SRGAP3: variants seen among roughly 807,000 people sequenced by gnomAD.
The protein encoded by SRGAP3 is SLIT-ROBO Rho GTPase-activating protein 3.
A neutral mutation model predicts 121.1 loss-of-function variants in SRGAP3; 39 were observed. The ratio of observed to expected loss-of-function variants is 0.32; its 90% confidence interval spans 0.25 to 0.42. The LOEUF (loss-of-function observed/expected upper bound fraction) is 0.42, where lower values mean the gene tolerates loss of function less well. SRGAP3 is among the 10% of genes least tolerant of loss of function. The probability of loss-of-function intolerance (pLI) is 1.00; values close to 1 mark genes in which losing one functional copy is unlikely to be tolerated. For missense variants in SRGAP3, 1,213 were observed against 1,470.6 expected (o/e 0.82, Z 2.86); for synonymous variants, 601 against 570.0 (o/e 1.05, Z -0.77).
chr3:9,139,120 A>G (rs1949764634), intron 1 of SRGAP3, among the ~76,000 whole-genome samples: 1 of 152,132 alleles, frequency 6.6e-6, no homozygotes. Flanking sequence ...TCATTTGCAA[A>G]TCCTTTCTGC....
intron 2 of SRGAP3, among the ~76,000 whole-genome samples, chr3:9,117,621 G>A (rs960487219): frequency 6.6e-6 from 1 of 152,082 alleles, no homozygotes; most frequent in African/African-American, 2.4e-5. Context: ...CCTCTGCATG[G>A]AGCATTTTCA....
At chr3:9,175,516 A>G (rs1951145896) in intron 1 of SRGAP3, among the ~76,000 whole-genome samples, 2 of 152,216 alleles carry the variant, frequency 1.3e-5, no homozygotes, top group African/African-American at 4.8e-5. Context: ...GGATGGTCCC[A>G]GAAGGACCCA....
intron 3 of SRGAP3, among the ~76,000 whole-genome samples, chr3:9,267,381 A>C (rs549145269): frequency 6.6e-6 from 1 of 152,348 alleles, no homozygotes; most frequent in East Asian, 1.9e-4. Context: ...TCAACTACAA[A>C]AGTGGCTCAA....
At chr3:9,307,433 G>A (rs560064713) in intron 3 of SRGAP3, among the ~76,000 whole-genome samples, 44 of 152,318 alleles carry the variant, frequency 2.9e-4, no homozygotes, top group Non-Finnish European at 5.4e-4. Context: ...CCTGGTAACC[G>A]TGGTTACACA....
chr3:9,148,007 A>C (rs1358290542), intron 1 of SRGAP3, among the ~76,000 whole-genome samples: 1 of 152,228 alleles, frequency 6.6e-6, no homozygotes, highest in East Asian at 1.9e-4. Context: ...CTCCAGAGCC[A>C]GGGAGGGGCT....
chr3:9,064,094 T>G (rs1946305652), intron 5 of SRGAP3, among the ~76,000 whole-genome samples: 2 of 152,210 alleles, frequency 1.3e-5, no homozygotes, highest in Admixed American at 1.3e-4. Context: ...AGAAGGTGCT[T>G]GCTGGGTGTG....
chr3:8,985,377 T>A lies in SRGAP3; in HGVS notation c.*142A>T. On this transcript the variant is annotated 3_prime_UTR_variant, in exon 22 of 22. Coordinates refer to ENST00000383836, the MANE Select transcript of SRGAP3 (RefSeq NM_014850.4). The surrounding 1 kb of genome is among the most constrained non-coding windows in gnomAD (Gnocchi z 5.1). ...GTGAGCTGCAGCCAGCGCCCGGGCC[T>A]CAGCTCTGCACAGACACACCCTCCC... 2 of 1,442,398 alleles carry A rather than the reference T, an allele frequency of 1.4e-6. No individual in the cohort carries two copies. The highest frequency in any genetic ancestry group is 2.9e-5 in the African/African-American group (2 of 68,860). 89.3% of individuals were successfully genotyped at this position (1,442,398 alleles called of 1,614,324 possible). A position where few individuals can be genotyped will look rare whatever the true frequency, so the allele number is the denominator to read the frequency against.
At chr3:9,107,764 C>T (rs1468708478) in intron 2 of SRGAP3, among the ~76,000 whole-genome samples, 1 of 152,242 alleles carries the variant, frequency 6.6e-6, no homozygotes. Context: ...AGTTACAGAA[C>T]TTCTACCTTA....
In SRGAP3 at chr3:9,287,635, A is replaced by G. The variant is rs547358001; in HGVS notation, n.442+38375T>C. Among the ~76,000 whole-genome samples, 209 of 152,334 alleles carry G rather than the reference A, an allele frequency of 1.4e-3. 1 individual carries two copies. Among genetic ancestry groups the G allele is most frequent in the African/African-American group, 5.0e-3 (206 of 41,562 alleles). On this transcript the variant is annotated intron_variant and non_coding_transcript_variant, in intron 3 of 3. Transcript: ENST00000490889. ...GGAGGGTGAGGTGCAGTAAGCGTTGAAAAACTGTGTATTGGGTACAATGTT... is the reference window on the plus strand; with the variant it reads ...GGAGGGTGAGGTGCAGTAAGCGTTGGAAAACTGTGTATTGGGTACAATGTT...
At chr3:9,326,165 G>A (rs1955514162) in exon 3 of SRGAP3, 1 of 151,850 alleles carries the variant, frequency 6.6e-6, no homozygotes, top group Admixed American at 6.5e-5. Flanking sequence ...CCAATCTTTG[G>A]GTTCTAGATT....
At chr3:9,312,669 G>A (rs2648559) in intron 3 of SRGAP3, among the ~76,000 whole-genome samples, 125,250 of 152,174 alleles carry the variant, frequency 0.82, 52,193 homozygotes, top group African/African-American at 0.95. Flanking sequence ...TCCATCCTCA[G>A]CTGAGTAGCC....
At chr3:9,321,095 G>T (rs75799169) in intron 3 of SRGAP3, among the ~76,000 whole-genome samples, 4,710 of 151,886 alleles carry the variant, frequency 0.031, 159 homozygotes, top group Non-Finnish European at 0.047. Context: ...TGGAACCAAG[G>T]TGTCATATGA....
chr3:9,053,001 G>T, intron 9 of SRGAP3, 26 bp downstream of exon 9: 1 of 1,611,880 alleles, frequency 6.2e-7, no homozygotes, highest in South Asian at 1.1e-5. Context: ...CCGACAGTGT[G>T]GTTCTGGGCC....
chr3:9,207,570 C>A (rs1008487441), intron 1 of SRGAP3, among the ~76,000 whole-genome samples: 8 of 152,142 alleles, frequency 5.3e-5, no homozygotes, highest in African/African-American at 1.9e-4. Flanking sequence ...GTTTCAAAAC[C>A]CGCGGGAGGG....
At chr3:9,200,690 C>A (rs976778966) in intron 1 of SRGAP3, among the ~76,000 whole-genome samples, 1 of 152,072 alleles carries the variant, frequency 6.6e-6, no homozygotes, top group Admixed American at 6.5e-5. Flanking sequence ...TTTCCAGATC[C>A]CAAAAAGACA....
At chr3:9,118,290 C>T (rs1481353739) in intron 2 of SRGAP3, among the ~76,000 whole-genome samples, 1 of 152,206 alleles carries the variant, frequency 6.6e-6, no homozygotes, top group Non-Finnish European at 1.5e-5. Flanking sequence ...ATTCAAACAT[C>T]TCAAAGTATT....
At chr3:9,040,254 C>T (rs1041394716) in intron 10 of SRGAP3, among the ~76,000 whole-genome samples, 3 of 152,186 alleles carry the variant, frequency 2.0e-5, no homozygotes, top group Non-Finnish European at 4.4e-5. Context: ...CTCCAATAAC[C>T]TCTCATCGCA....
chr3:9,361,284 T>C (rs184240365), intron 1 of SRGAP3, among the ~76,000 whole-genome samples: 206 of 152,144 alleles, frequency 1.4e-3, no homozygotes, highest in African/African-American at 4.5e-3. Flanking sequence ...TGTCATTTTT[T>C]TGTAGCGACA....
intron 1 of SRGAP3, among the ~76,000 whole-genome samples, chr3:9,176,717 G>T (rs1951191355): frequency 6.6e-6 from 1 of 152,110 alleles, no homozygotes; most frequent in Admixed American, 6.5e-5. Context: ...AAAAGCAGAA[G>T]CAAGTGGGGG....
Sources: gnomAD v4.1 joint callset for allele counts (sites outside exome capture counted in the v4.1 genomes callset) on GRCh38, gnomAD v4.1.1 for gene constraint, Gnocchi (gnomAD v3.1) non-coding constraint, MANE v1.5 for transcripts, NCBI Gene and HGNC (gene_info 2026-07-23, HGNC 2026-07-21) for gene names.